The following GABRG3 variants were observed in gnomAD, a reference collection of about 807,000 sequenced individuals.
The protein encoded by GABRG3 is gamma-aminobutyric acid type A receptor subunit gamma3.
A neutral mutation model predicts 48.8 loss-of-function variants in GABRG3; 25 were observed. That is an observed-to-expected ratio of 0.51 (90% CI 0.37 to 0.72). GABRG3 has a LOEUF of 0.72. Ranked by LOEUF, GABRG3 falls within the 30% of genes least tolerant of loss-of-function variation. The pLI is 0.00. For synonymous variants in GABRG3, 227 were observed against 217.6 expected, an observed-to-expected ratio of 1.04 and a Z score of -0.38; for missense variants, 394 against 577.9, an observed-to-expected ratio of 0.68 and a Z score of 3.26.
intron 2 of GABRG3, among the ~76,000 whole-genome samples, chr15:26,982,612 A>AT (rs1895075987): frequency 6.6e-6 from 1 of 152,144 alleles, no homozygotes; most frequent in South Asian, 2.1e-4. Context: ...AATTCTAGAG[A>AT]TTTTTCCACT....
chr15:27,429,516 C>G (rs1888386681), intron 5 of GABRG3, among the ~76,000 whole-genome samples: 1 of 152,132 alleles, frequency 6.6e-6, no homozygotes, highest in South Asian at 2.1e-4. Flanking sequence ...CAACTGTCAC[C>G]ACTGTCTAAC....
At chr15:27,304,878 A>G (rs10162672) in intron 3 of GABRG3, among the ~76,000 whole-genome samples, 1,680 of 152,026 alleles carry the variant, frequency 0.011, 35 homozygotes, top group African/African-American at 0.038. Flanking sequence ...ACATATTCTG[A>G]TATTATGGAT....
Position 27,259,262 on chromosome 15 carries a change from G to A in GABRG3, c.271-67547G>A, listed in dbSNP as rs79143948. On this transcript the variant is annotated intron_variant, in intron 3 of 9. Coordinates refer to ENST00000615808, the MANE Select transcript of GABRG3 (RefSeq NM_033223.5). The stretch of plus-strand genomic sequence containing the variant: ...GTTAAAGGAAGTAGTGGCATTGCTG[G>A]GTCATGTGGTGACTACTCAGCCTAT... 4.5e-4 allele frequency among the ~76,000 whole-genome samples: 68 copies of A among 152,150 alleles called. No homozygotes were observed. The East Asian group carries it at 0.013, about 29-fold the overall frequency.
chr15:27,129,672 A>G (rs981229046), intron 3 of GABRG3, among the ~76,000 whole-genome samples: 4 of 149,776 alleles, frequency 2.7e-5, no homozygotes, highest in African/African-American at 4.9e-5. Context: ...AGAAATGCCA[A>G]TTTCTCCACA....
At chr15:27,145,972 A>G (rs930960557) in intron 3 of GABRG3, among the ~76,000 whole-genome samples, 3 of 151,956 alleles carry the variant, frequency 2.0e-5, no homozygotes, top group African/African-American at 7.2e-5. Context: ...AAAGTGTTAG[A>G]AAAAAAAGAC....
chr15:27,370,803 T>C (rs1341324395), intron 5 of GABRG3, among the ~76,000 whole-genome samples: 1 of 152,208 alleles, frequency 6.6e-6, no homozygotes, highest in African/African-American at 2.4e-5. Context: ...ATAGAAAATA[T>C]CTGGGTTTCC....
At chr15:27,171,507 C>CATATATATATATATATATATATATATAT (rs57913193) in intron 3 of GABRG3, among the ~76,000 whole-genome samples, 7 of 144,334 alleles carry the variant, frequency 4.8e-5, no homozygotes, top group Non-Finnish European at 1.1e-4. Flanking sequence ...GCATGTCTAA[C>CATATATATATATATATATATATATATAT]ATATATATAT....
intron 3 of GABRG3, among the ~76,000 whole-genome samples, chr15:27,112,110 C>A (rs978018705): frequency 6.6e-6 from 1 of 152,130 alleles, no homozygotes; most frequent in Non-Finnish European, 1.5e-5. Context: ...TCAAGCTAGT[C>A]CACACTCAGC....
At chr15:27,510,212 G>C (rs1023779821) in intron 6 of GABRG3, among the ~76,000 whole-genome samples, 8 of 152,148 alleles carry the variant, frequency 5.3e-5, no homozygotes, top group African/African-American at 1.7e-4. Context: ...ATCAAGGGAT[G>C]GTGAGATGTT....
At chr15:27,224,141 C>T (rs1017735190) in intron 3 of GABRG3, among the ~76,000 whole-genome samples, 1 of 152,172 alleles carries the variant, frequency 6.6e-6, no homozygotes, top group Non-Finnish European at 1.5e-5. Context: ...CGGGCTGCTC[C>T]CTGCATGGCG....
At chr15:27,102,439 A>G (rs1897377933) in intron 3 of GABRG3, among the ~76,000 whole-genome samples, 1 of 152,236 alleles carries the variant, frequency 6.6e-6, no homozygotes, top group South Asian at 2.1e-4. Flanking sequence ...CCTGGGCTCC[A>G]TAATAACAAT....
At chr15:27,018,133 A>G (rs1462516179) in intron 2 of GABRG3, among the ~76,000 whole-genome samples, 5 of 152,222 alleles carry the variant, frequency 3.3e-5, no homozygotes, top group Non-Finnish European at 5.9e-5. Context: ...ACTTACTTCA[A>G]ATATTCAGTT....
At chr15:27,475,238 A>T (rs947159465) in intron 5 of GABRG3, among the ~76,000 whole-genome samples, 3 of 152,268 alleles carry the variant, frequency 2.0e-5, no homozygotes, top group South Asian at 4.1e-4. Context: ...CACTAGAGTC[A>T]TACATCCTAA....
chr15:26,986,298 T>C (rs1895149966), intron 2 of GABRG3, among the ~76,000 whole-genome samples: 2 of 152,208 alleles, frequency 1.3e-5, no homozygotes, highest in Admixed American at 1.3e-4. Context: ...AAGCTATTAC[T>C]GTAGAGTTAG....
At chr15:26,983,192 A>G (rs1895085199) in intron 2 of GABRG3, among the ~76,000 whole-genome samples, 1 of 151,516 alleles carries the variant, frequency 6.6e-6, no homozygotes, top group African/African-American at 2.4e-5. Context: ...CATTTGCTAT[A>G]ACCATCAGGC....
chr15:27,382,913 G>A (rs74503810), intron 5 of GABRG3, among the ~76,000 whole-genome samples: 7 of 152,256 alleles, frequency 4.6e-5, no homozygotes, highest in South Asian at 2.1e-4. Flanking sequence ...AGACAGCATC[G>A]GGAAAATGTT....
chr15:27,487,161 C>T (rs1006749767), intron 6 of GABRG3, among the ~76,000 whole-genome samples: 11 of 152,216 alleles, frequency 7.2e-5, no homozygotes, highest in South Asian at 2.1e-4. Context: ...CTAATTCAGA[C>T]GGGAAATGCA....
intron 3 of GABRG3, among the ~76,000 whole-genome samples, chr15:27,149,793 A>G (rs971998339): frequency 2.0e-5 from 3 of 152,230 alleles, no homozygotes; most frequent in South Asian, 4.1e-4. Flanking sequence ...TACTGGGGAA[A>G]AATAGTCTGG....
intron 3 of GABRG3, among the ~76,000 whole-genome samples, chr15:27,185,605 G>T (rs185876513): frequency 6.6e-6 from 1 of 152,074 alleles, no homozygotes. Flanking sequence ...TCTGTCTAAT[G>T]GTTCTGTCAG....
Sources: allele counts gnomAD v4.1 joint callset (sites outside exome capture counted in the v4.1 genomes callset), GRCh38; gene constraint gnomAD v4.1.1; transcripts MANE v1.5; gene names NCBI Gene and HGNC (gene_info 2026-07-23, HGNC 2026-07-21).